The following AHCY variants were observed in gnomAD, a reference collection of about 807,000 sequenced individuals.
The protein encoded by AHCY is adenosylhomocysteinase, also known as S-adenosyl-L-homocysteine hydrolase.
A neutral mutation model predicts 45.4 loss-of-function variants in AHCY; 24 were observed. The observed-to-expected ratio is 0.53, with a 90% CI of 0.38 to 0.74. The LOEUF (loss-of-function observed/expected upper bound fraction) is 0.74, where lower values mean the gene tolerates loss of function less well. AHCY is among the 30% of genes least tolerant of loss of function. The pLI, the probability that AHCY is intolerant of heterozygous loss-of-function variation, is 0.00. For synonymous variants in AHCY, 245 were observed against 235.1 expected, an observed-to-expected ratio of 1.04 and a Z score of -0.39; for missense variants, 449 against 594.1, an observed-to-expected ratio of 0.76 and a Z score of 2.54.
intron 8 of AHCY, chr20:34,286,049 G>A (rs1051827511): frequency 2.6e-5 from 7 of 267,440 alleles, no homozygotes; most frequent in Non-Finnish European, 3.7e-5. Context: ...AGTTTGCAGC[G>A]AGCCGAGATC....
the AHCY span, chr20:34,241,448 A>T: frequency 2.0e-6 from 2 of 985,340 alleles, no homozygotes; most frequent in Non-Finnish European, 2.4e-6. Flanking sequence ...CTGCAAGGTG[A>T]AAAAGGAAGT....
the AHCY span, among the ~76,000 whole-genome samples, chr20:34,264,995 G>A: frequency 6.6e-6 from 1 of 151,556 alleles, no homozygotes; most frequent in Non-Finnish European, 1.5e-5. Context: ...GAGGTTTTGC[G>A]GTGTTGCCCG....
chr20:34,246,069 A>G, the AHCY span: 3 of 881,014 alleles, frequency 3.4e-6, no homozygotes, highest in South Asian at 2.8e-5. Flanking sequence ...CATCCTCCCC[A>G]TTACTGAGGC....
downstream of AHCY, among the ~76,000 whole-genome samples, chr20:34,275,281 C>T (rs532990615): frequency 1.1e-4 from 16 of 152,106 alleles, no homozygotes; most frequent in African/African-American, 3.9e-4. Flanking sequence ...TACAGGTGTG[C>T]TCCACCATGC....
chr20:34,305,306 G>A (rs1422828575), upstream of AHCY, among the ~76,000 whole-genome samples: 4 of 151,826 alleles, frequency 2.6e-5, no homozygotes, highest in Non-Finnish European at 4.4e-5. Context: ...CCTGGGCGAC[G>A]GAGGGAGACT....
At chr20:34,260,281 C>T in the AHCY span, 10 of 1,414,752 alleles carry the variant, frequency 7.1e-6, no homozygotes, top group South Asian at 1.4e-4. Flanking sequence ...ACAACACCAG[C>T]CCAAAGAAGC....
At chr20:34,281,194 T>C (rs751916258) in intron 9 of AHCY, 29 bp from the exon 10 acceptor site, 26 of 1,611,598 alleles carry the variant, frequency 1.6e-5, no homozygotes, top group Non-Finnish European at 2.1e-5. Context: ...AGACCGGGAA[T>C]CAGTGCCATT....
the AHCY span, among the ~76,000 whole-genome samples, chr20:34,243,466 AT>A: frequency 7.3e-5 from 11 of 151,120 alleles, no homozygotes; most frequent in East Asian, 6.2e-4. Flanking sequence ...ATTATTCTGA[AT>A]TTTTTTTTAC....
At chr20:34,276,356 A>G (rs1028513306), downstream of AHCY, among the ~76,000 whole-genome samples, 1 of 152,178 alleles carries the variant, frequency 6.6e-6, no homozygotes, top group Non-Finnish European at 1.5e-5. Context: ...AATAAATACA[A>G]GCCAGCAGTT....
intron 2 of AHCY, 77 bp from the exon 3 acceptor site, chr20:34,294,233 A>G: frequency 7.4e-7 from 1 of 1,355,430 alleles, no homozygotes; most frequent in South Asian, 1.2e-5. Context: ...AGGAAAAGGG[A>G]GAGCTTCGGG....
the AHCY span, chr20:34,260,455 G>A: frequency 3.7e-6 from 6 of 1,614,168 alleles, no homozygotes; most frequent in South Asian, 5.5e-5. Context: ...TGCCACCTGA[G>A]GAGAAGCTCC....
At chr20:34,300,438 T>C (rs1222256846) in intron 1 of AHCY, among the ~76,000 whole-genome samples, 3 of 152,156 alleles carry the variant, frequency 2.0e-5, no homozygotes, top group Non-Finnish European at 4.4e-5. Context: ...ATCTCTCCAC[T>C]TTCCCCACTC....
Position 34,285,374 on chromosome 20 carries a change from A to G in AHCY, c.1167+66T>C. 1.9e-6 allele frequency: 3 copies of G among 1,582,168 alleles called. No individual in the cohort carries two copies. The South Asian group carries it at 3.3e-5, about 18-fold the overall frequency. ...GGCAAGCACTTTATAAACTCTGGCA[A>G]GCCCTGTGTGGGGATCCCAGGATTA... On this transcript the variant is annotated intron_variant, in intron 9 of 9. Transcript: ENST00000217426.
rs1353838106 is a variant in AHCY, at chr20:34,303,326, C to A, written c.-56G>T. On this transcript the variant is annotated 5_prime_UTR_variant, in exon 1 of 10. Transcript: ENST00000217426. ...AGGGGGCTGGGCCTCAGTCTGGGAA[C>A]AGGAACTGGGCGGGCAGCGCCGAGC... 1 of 1,551,032 alleles carries A rather than the reference C, an allele frequency of 6.4e-7. No homozygotes were observed.
chr20:34,295,312 C>T lies in AHCY; in HGVS notation c.219+83G>A, dbSNP rs761373706. ...GCGGTCAGCTCCACACCTGGAAGGT[C>T]CCCACCCTGGCACAGTCGTCTTCTT... On this transcript the variant is annotated intron_variant, in intron 2 of 9. Transcript: ENST00000217426. The T allele has an allele frequency of 1.6e-4, 247 of 1,552,970 alleles. 2 individuals are homozygous for T. In the Middle Eastern group the frequency reaches 2.0e-3, roughly 13 times the overall value.
At chr20:34,268,876 C>A in the AHCY span, 1 of 1,348,656 alleles carries the variant, frequency 7.4e-7, no homozygotes. Flanking sequence ...GGTGGGCAAG[C>A]CAGCGGGGAA....
chr20:34,301,486 A>G (rs575360023), intron 1 of AHCY, among the ~76,000 whole-genome samples: 1 of 152,342 alleles, frequency 6.6e-6, no homozygotes, highest in African/African-American at 2.4e-5. Context: ...GAACAGCAAG[A>G]GCCCCTGTAA....
chr20:34,254,455 T>C, the AHCY span, among the ~76,000 whole-genome samples: 1 of 152,226 alleles, frequency 6.6e-6, no homozygotes, highest in African/African-American at 2.4e-5. Context: ...AACGTTTACC[T>C]GTAATTGCAA....
chr20:34,239,102 A>T, the AHCY span, among the ~76,000 whole-genome samples: 1 of 152,082 alleles, frequency 6.6e-6, no homozygotes, highest in Non-Finnish European at 1.5e-5. Context: ...TTCTCTAGAA[A>T]CTTGATATCT....
Sources: gnomAD v4.1 joint callset for allele counts (sites outside exome capture counted in the v4.1 genomes callset) on GRCh38, gnomAD v4.1.1 for gene constraint, MANE v1.5 for transcripts, NCBI Gene and HGNC (gene_info 2026-07-23, HGNC 2026-07-21) for gene names.